The following BACH2 variants were observed in gnomAD, a reference collection of about 807,000 sequenced individuals.
BACH2 encodes the protein transcription regulator protein BACH2.
In BACH2, 5 loss-of-function variants were observed where a neutral mutation model predicts 61.8. The ratio of observed to expected loss-of-function variants is 0.08; its 90% CI spans 0.04 to 0.17. BACH2 has a LOEUF of 0.17. Ranked by LOEUF, BACH2 falls within the 10% of genes least tolerant of loss-of-function variation. The pLI is 1.00. For synonymous variants in BACH2, 446 were observed against 440.1 expected (o/e 1.01, Z -0.17); for missense variants, 824 against 1,091.1 (o/e 0.76, Z 3.45).
chr6:90,296,203 T>G (rs181483267), intron 1 of BACH2, among the ~76,000 whole-genome samples: 5 of 151,844 alleles, frequency 3.3e-5, no homozygotes, highest in Middle Eastern at 3.4e-3. Context: ...GCCAGCAAAA[T>G]ACAATGCGCC....
At chr6:90,087,821 T>C (rs1782001480) in intron 5 of BACH2, among the ~76,000 whole-genome samples, 1 of 152,032 alleles carries the variant, frequency 6.6e-6, no homozygotes, top group African/African-American at 2.4e-5. Flanking sequence ...CAATATGAAA[T>C]GAGCACGTCA....
intron 5 of BACH2, among the ~76,000 whole-genome samples, chr6:90,043,680 T>G (rs144501488): frequency 2.0e-5 from 3 of 152,240 alleles, no homozygotes; most frequent in African/African-American, 7.2e-5. Flanking sequence ...CACAGCTCCA[T>G]GCTGTTGCAT....
intron 2 of BACH2, among the ~76,000 whole-genome samples, chr6:90,259,022 T>C (rs962320206): frequency 1.3e-5 from 2 of 152,174 alleles, no homozygotes; most frequent in Non-Finnish European, 2.9e-5. Context: ...CAAATAGAGA[T>C]AACTTTACTT....
At chr6:90,286,746 T>TTC (rs1772028733) in intron 1 of BACH2, among the ~76,000 whole-genome samples, 1 of 152,180 alleles carries the variant, frequency 6.6e-6, no homozygotes, top group African/African-American at 2.4e-5. Flanking sequence ...ATGCATAGAA[T>TTC]TCTCTTACTT....
chr6:90,180,565 C>T (rs1768123084), intron 4 of BACH2, among the ~76,000 whole-genome samples: 1 of 152,122 alleles, frequency 6.6e-6, no homozygotes, highest in African/African-American at 2.4e-5. Flanking sequence ...ATGTCCATTA[C>T]ACCACTCTGT....
chr6:89,948,478 G>C (rs762063256), intron 7 of BACH2, among the ~76,000 whole-genome samples: 1 of 152,134 alleles, frequency 6.6e-6, no homozygotes, highest in Non-Finnish European at 1.5e-5. Flanking sequence ...AAAATGCTAG[G>C]ATTACAGGCC....
chr6:90,033,998 T>C (rs1240520716), intron 5 of BACH2, among the ~76,000 whole-genome samples: 1 of 152,154 alleles, frequency 6.6e-6, no homozygotes, highest in Non-Finnish European at 1.5e-5. Context: ...AGGATAACCA[T>C]TTAGTATTTT....
chr6:90,270,648 C>T (rs1254111618), intron 2 of BACH2, among the ~76,000 whole-genome samples: 3 of 152,166 alleles, frequency 2.0e-5, no homozygotes, highest in East Asian at 3.8e-4. Flanking sequence ...AATGACCATA[C>T]TGACAAAAGC....
At chr6:90,175,577 G>A (rs1356340959) in intron 4 of BACH2, among the ~76,000 whole-genome samples, 3 of 151,934 alleles carry the variant, frequency 2.0e-5, no homozygotes, top group Non-Finnish European at 4.4e-5. Context: ...TCAGTGTTGG[G>A]GCGGTGGGGG....
chr6:90,165,262 C>T (rs1416206433), intron 4 of BACH2, among the ~76,000 whole-genome samples: 3 of 152,104 alleles, frequency 2.0e-5, no homozygotes, highest in Admixed American at 6.5e-5. Flanking sequence ...CATTCTTATA[C>T]ACCAATAACA....
chr6:90,218,956 T>A (rs376848029), intron 3 of BACH2, among the ~76,000 whole-genome samples: 14 of 149,504 alleles, frequency 9.4e-5, no homozygotes, highest in South Asian at 4.2e-4. Flanking sequence ...TGTGTGTGTG[T>A]GACACAGAGA....
At chr6:90,131,874 C>CA (rs576001076) in intron 4 of BACH2, among the ~76,000 whole-genome samples, 241 of 152,314 alleles carry the variant, frequency 1.6e-3, no homozygotes, top group Non-Finnish European at 2.8e-3. Flanking sequence ...AAATTAAGCT[C>CA]ACCATTGTTA....
At chr6:90,259,378 G>C (rs1562530304) in intron 2 of BACH2, among the ~76,000 whole-genome samples, 1 of 152,132 alleles carries the variant, frequency 6.6e-6, no homozygotes, top group Non-Finnish European at 1.5e-5. Flanking sequence ...ACTACTGATT[G>C]ATCTGCAGAT....
intron 6 of BACH2, among the ~76,000 whole-genome samples, chr6:90,005,206 G>T (rs12216256): frequency 1.3e-5 from 2 of 152,058 alleles, no homozygotes; most frequent in Admixed American, 6.6e-5. Flanking sequence ...TGGGGAGTTG[G>T]GGGGAGGAGT....
chr6:90,251,922 G>C (rs1446988247), intron 3 of BACH2, among the ~76,000 whole-genome samples: 1 of 152,098 alleles, frequency 6.6e-6, no homozygotes, highest in African/African-American at 2.4e-5. Flanking sequence ...GTTTTTCCAG[G>C]GGTGGGAAAG....
At chr6:90,009,819 C>A (rs1335125659) in intron 5 of BACH2, among the ~76,000 whole-genome samples, 1 of 152,062 alleles carries the variant, frequency 6.6e-6, no homozygotes, top group African/African-American at 2.4e-5. Flanking sequence ...CATGTGCCAC[C>A]GTGCCTAACT....
intron 5 of BACH2, among the ~76,000 whole-genome samples, chr6:90,057,946 T>C (rs191647324): frequency 1.8e-3 from 274 of 152,246 alleles, no homozygotes; most frequent in Middle Eastern, 0.01. Context: ...AAACTCTCAA[T>C]AAATTAGGGA....
intron 4 of BACH2, among the ~76,000 whole-genome samples, chr6:90,188,933 T>C (rs1411569628): frequency 1.3e-5 from 2 of 152,164 alleles, no homozygotes; most frequent in East Asian, 1.9e-4. Context: ...TAGTGAATTA[T>C]ACATAGCAAC....
chr6:90,183,726 C>G (rs1193361934), intron 4 of BACH2, among the ~76,000 whole-genome samples: 1 of 152,178 alleles, frequency 6.6e-6, no homozygotes, highest in African/African-American at 2.4e-5. Flanking sequence ...GCTCTGTGAG[C>G]TGCTGGTAAT....
Sources: gnomAD v4.1 joint callset for allele counts (sites outside exome capture counted in the v4.1 genomes callset) on GRCh38, gnomAD v4.1.1 for gene constraint, MANE v1.5 for transcripts, NCBI Gene and HGNC (gene_info 2026-07-23, HGNC 2026-07-21) for gene names.